KLHL14: variants seen among roughly 807,000 people sequenced by gnomAD.
The protein encoded by KLHL14 is kelch-like protein 14.
Under a neutral mutation model 64.3 loss-of-function variants are expected in KLHL14, and 22 were observed. The observed-to-expected ratio is 0.34, with a 90% CI of 0.24 to 0.49. KLHL14 has a LOEUF of 0.49. Among genes scored for constraint, KLHL14 ranks in the 20% least tolerant of loss-of-function variants. The pLI is 0.99. For missense variants in KLHL14, 661 were observed against 789.0 expected (o/e 0.84, Z 1.94); for synonymous variants, 322 against 333.4 (o/e 0.97, Z 0.37).
intron 3 of KLHL14, among the ~76,000 whole-genome samples, chr18:32,724,851 T>C (rs1271686698): frequency 1.3e-5 from 2 of 152,198 alleles, no homozygotes; most frequent in Non-Finnish European, 2.9e-5. Flanking sequence ...CTTTCTAAGT[T>C]TTCATTTTTT....
At chr18:32,726,025 T>G (rs2050106209) in intron 3 of KLHL14, among the ~76,000 whole-genome samples, 1 of 152,234 alleles carries the variant, frequency 6.6e-6, no homozygotes, top group Admixed American at 6.5e-5. Context: ...CTATCAGTAT[T>G]GTCTCATTAC....
chr18:32,711,969 A>G (rs1262215656), intron 3 of KLHL14, among the ~76,000 whole-genome samples: 1 of 152,212 alleles, frequency 6.6e-6, no homozygotes, highest in African/African-American at 2.4e-5. Context: ...TTGTTGCCTG[A>G]AATTCCTATT....
rs1467857454 is a variant in KLHL14, at chr18:32,672,882, A to T, written c.*1775T>A. The T allele has an allele frequency of 1.3e-5, 2 of 152,648 alleles. No homozygotes were observed. Among genetic ancestry groups the T allele is most frequent in the Admixed American group, 6.5e-5 (1 of 15,282 alleles). 9.5% of individuals were successfully genotyped at this position (152,648 alleles called of 1,614,324 possible). A position where few individuals can be genotyped will look rare whatever the true frequency, so the allele number is the denominator to read the frequency against. Reference sequence around the variant, plus strand: ...TGAGAAATAAAAAATAAAATGCAGAACAAGTCTAAGGAAAGCAAAGGTTCT... The same window carrying T: ...TGAGAAATAAAAAATAAAATGCAGATCAAGTCTAAGGAAAGCAAAGGTTCT... On this transcript the variant is annotated 3_prime_UTR_variant, in exon 9 of 9. Transcript: ENST00000359358.
At chr18:32,755,203 A>G (rs2050275722) in intron 2 of KLHL14, among the ~76,000 whole-genome samples, 1 of 152,040 alleles carries the variant, frequency 6.6e-6, no homozygotes, top group Non-Finnish European at 1.5e-5. Context: ...CGTGGTGTCT[A>G]GGAAGCCCTC....
intron 3 of KLHL14, among the ~76,000 whole-genome samples, chr18:32,717,099 A>G (rs867954489): frequency 1.3e-5 from 2 of 152,346 alleles, no homozygotes; most frequent in South Asian, 2.1e-4. Flanking sequence ...TGGTTGTACC[A>G]TAATAAATGA....
intron 2 of KLHL14, among the ~76,000 whole-genome samples, chr18:32,760,299 G>A (rs2050306921): frequency 6.6e-6 from 1 of 151,474 alleles, no homozygotes; most frequent in African/African-American, 2.4e-5. Context: ...TTTGAAGGTA[G>A]CACCCAACAA....
rs1161012549 is a variant in KLHL14, at chr18:32,695,922, GGAAGAAGTAACCCT to G, written c.1070-384_1070-371del. 5.3e-5 allele frequency among the ~76,000 whole-genome samples: 8 copies of G among 152,176 alleles called. No homozygotes were observed. The East Asian group carries it at 1.4e-3, about 26-fold the overall frequency. On this transcript the variant is annotated intron_variant, in intron 3 of 8. Transcript: ENST00000359358. ...ATGGTCAGGGCTGGGGTTACTTCTT[GGAAGAAGTAACCCT>G]GAATACACTTGGAGCCATTAAGATG...
At chr18:32,766,159 G>A (rs902993672) in intron 2 of KLHL14, among the ~76,000 whole-genome samples, 17 of 151,748 alleles carry the variant, frequency 1.1e-4, no homozygotes, top group Admixed American at 3.3e-4. Context: ...GCATTTATTC[G>A]TTATATTGTG....
chr18:32,719,499 G>A (rs1216276766), intron 3 of KLHL14, among the ~76,000 whole-genome samples: 2 of 152,076 alleles, frequency 1.3e-5, no homozygotes, highest in South Asian at 2.1e-4. Context: ...TTTTATATAC[G>A]TCAAACAAGT....
chr18:32,751,188 C>T (rs1420701085), intron 2 of KLHL14, among the ~76,000 whole-genome samples: 1 of 152,172 alleles, frequency 6.6e-6, no homozygotes, highest in Non-Finnish European at 1.5e-5. Flanking sequence ...CCCTAAACTT[C>T]CAGCCAGAAT....
intron 2 of KLHL14, among the ~76,000 whole-genome samples, chr18:32,759,052 A>G (rs1330868898): frequency 6.6e-6 from 1 of 152,224 alleles, no homozygotes; most frequent in Non-Finnish European, 1.5e-5. Context: ...CTCTGTGAAT[A>G]TACTGAAAAC....
At chr18:32,730,095 T>G (rs551872492) in intron 3 of KLHL14, among the ~76,000 whole-genome samples, 12 of 152,368 alleles carry the variant, frequency 7.9e-5, no homozygotes, top group African/African-American at 2.9e-4. Context: ...TTTACTATAT[T>G]CAATTCTTTT....
chr18:32,680,142 T>TA lies in KLHL14; in HGVS notation c.1588+26dup. 6.2e-7 allele frequency: 1 copy of TA among 1,609,372 alleles called. No homozygotes were observed. Among genetic ancestry groups the TA allele is most frequent in the Non-Finnish European group, 8.5e-7 (1 of 1,177,050 alleles). ...TATGAGGTGCAAATGTTATTGTGAC[T>TA]AAAAAACAAAACAACAAAAAAAAGA... On this transcript the variant is annotated intron_variant, in intron 7 of 8. Coordinates refer to ENST00000359358, the MANE Select transcript of KLHL14 (RefSeq NM_020805.3). The surrounding 1 kb of genome is among the most constrained non-coding windows in gnomAD (Gnocchi z 4.8).
chr18:32,680,021 G>A lies in KLHL14; in HGVS notation c.1588+148C>T, dbSNP rs1459960775. The A allele has an allele frequency of 6.7e-6, 5 of 744,504 alleles. No homozygotes were observed. The highest frequency in any genetic ancestry group is 8.5e-6 in the Non-Finnish European group (4 of 470,698). The allele number at this position is 744,504 out of a possible 1,614,324, so 46.1% of individuals were successfully genotyped here. ...AGCCAAAATAAATGCTTGCTCAAGGGTACTGCCAATTTACACAGAGTAGAT... is the reference window on the plus strand; with the variant it reads ...AGCCAAAATAAATGCTTGCTCAAGGATACTGCCAATTTACACAGAGTAGAT... On this transcript the variant is annotated intron_variant, in intron 7 of 8. Coordinates refer to ENST00000359358, the MANE Select transcript of KLHL14 (RefSeq NM_020805.3). This position sits in a 1 kb window ranked among gnomAD's most constrained non-coding sequence, Gnocchi z 4.8.
intron 2 of KLHL14, among the ~76,000 whole-genome samples, chr18:32,755,863 T>C (rs1417303751): frequency 6.6e-6 from 1 of 152,202 alleles, no homozygotes; most frequent in Non-Finnish European, 1.5e-5. Flanking sequence ...AAAAAGGATC[T>C]GAATTTTTTT....
At chr18:32,721,751 A>C (rs549990326) in intron 3 of KLHL14, among the ~76,000 whole-genome samples, 6 of 152,310 alleles carry the variant, frequency 3.9e-5, no homozygotes, top group African/African-American at 1.4e-4. Flanking sequence ...GTGTAAACAA[A>C]GTTGGGAAAA....
intron 3 of KLHL14, among the ~76,000 whole-genome samples, chr18:32,731,956 T>C (rs28496287): frequency 0.025 from 3,844 of 152,192 alleles, 116 homozygotes; most frequent in African/African-American, 0.066. Context: ...CGCGGTGGCT[T>C]ACACCTGTAA....
intron 3 of KLHL14, among the ~76,000 whole-genome samples, chr18:32,696,336 A>G (rs1195082676): frequency 6.6e-6 from 1 of 152,202 alleles, no homozygotes; most frequent in African/African-American, 2.4e-5. Context: ...GTTCTGATTT[A>G]CATTTCCTTT....
intron 3 of KLHL14, among the ~76,000 whole-genome samples, chr18:32,718,627 C>T (rs570199299): frequency 1.4e-4 from 22 of 152,250 alleles, no homozygotes; most frequent in African/African-American, 4.8e-4. Flanking sequence ...AAAATGAATT[C>T]AGCATACAGA....
Sources: allele counts gnomAD v4.1 joint callset (sites outside exome capture counted in the v4.1 genomes callset), GRCh38; gene constraint gnomAD v4.1.1; non-coding constraint Gnocchi (gnomAD v3.1); transcripts MANE v1.5; gene names NCBI Gene and HGNC (gene_info 2026-07-23, HGNC 2026-07-21).